Variants in UBR3 observed in about 807,000 individuals in gnomAD.
UBR3 encodes E3 ubiquitin-protein ligase UBR3.
UBR3 carries 85 observed loss-of-function variants against 243.2 expected under a neutral mutation model. That is an observed-to-expected ratio of 0.35 (90% CI 0.29 to 0.42). The LOEUF (loss-of-function observed/expected upper bound fraction) is 0.42, where lower values mean the gene tolerates loss of function less well. Among genes scored for constraint, UBR3 ranks in the 10% least tolerant of loss-of-function variants. UBR3 has a pLI of 1.00. For synonymous variants in UBR3, 748 were observed against 799.8 expected, an observed-to-expected ratio of 0.94 and a Z score of 1.09; for missense variants, 1,686 against 2,300.8, an observed-to-expected ratio of 0.73 and a Z score of 5.47.
intron 28 of UBR3, 128 bp from the exon 29 acceptor site, chr2:170,008,672 AATAG>A (rs1366945052): frequency 9.9e-6 from 5 of 506,294 alleles, no homozygotes; most frequent in African/African-American, 3.9e-5. Flanking sequence ...ATATATTTAT[AATAG>A]ATAATGTTCT....
intron 33 of UBR3, among the ~76,000 whole-genome samples, chr2:170,060,406 T>A (rs1297850278): frequency 2.0e-5 from 3 of 152,122 alleles, no homozygotes; most frequent in African/African-American, 7.2e-5. Flanking sequence ...TATTCTGTAA[T>A]AAATATATTG....
Position 169,851,728 on chromosome 2 carries a change from C to T in UBR3, c.546-20508C>T, listed in dbSNP as rs141389137. Among the ~76,000 whole-genome samples the T allele has an allele frequency of 5.9e-4, 90 of 151,614 alleles. No individual in the cohort carries two copies. The East Asian group carries it at 0.016, about 28-fold the overall frequency. On this transcript the variant is annotated intron_variant, in intron 1 of 38. Coordinates refer to ENST00000272793, the MANE Select transcript of UBR3 (RefSeq NM_172070.4). Reference sequence around the variant, plus strand: ...AAAATACAAAAACTAGTACTAGTGACTCAGGAGGCTGAGGCAGGAGAATCA... The same window carrying T: ...AAAATACAAAAACTAGTACTAGTGATTCAGGAGGCTGAGGCAGGAGAATCA...
intron 29 of UBR3, among the ~76,000 whole-genome samples, chr2:170,011,626 CTTTT>C (rs35877456): frequency 2.4e-5 from 3 of 123,282 alleles, no homozygotes; most frequent in Non-Finnish European, 1.7e-5. Context: ...TACAGCTTTT[CTTTT>C]TTTTTTTTTT....
At chr2:169,969,106 G>A (rs918286106) in intron 24 of UBR3, among the ~76,000 whole-genome samples, 2 of 152,052 alleles carry the variant, frequency 1.3e-5, no homozygotes, top group African/African-American at 4.8e-5. Flanking sequence ...TTGTCCCATG[G>A]ATAGTTTACA....
chr2:169,841,506 T>C (rs2082287175), intron 1 of UBR3, among the ~76,000 whole-genome samples: 1 of 152,180 alleles, frequency 6.6e-6, no homozygotes, highest in South Asian at 2.1e-4. Context: ...TGGAGCCCAC[T>C]TCCTCAGCCT....
At chr2:169,884,353 C>T (rs1031904210) in intron 5 of UBR3, among the ~76,000 whole-genome samples, 6 of 152,072 alleles carry the variant, frequency 3.9e-5, no homozygotes, top group South Asian at 2.1e-4. Context: ...GGGGTTTTTC[C>T]GTGTTAGCCA....
intron 14 of UBR3, 102 bp from the exon 15 acceptor site, chr2:169,926,590 A>G (rs997478059): frequency 1.1e-5 from 13 of 1,140,594 alleles, no homozygotes; most frequent in Admixed American, 8.1e-5. Context: ...CTCAAAAACA[A>G]AAAACAAAAA....
intron 31 of UBR3, among the ~76,000 whole-genome samples, chr2:170,036,421 C>G (rs2090833740): frequency 6.6e-6 from 1 of 151,986 alleles, no homozygotes; most frequent in Non-Finnish European, 1.5e-5. Flanking sequence ...AGGAAAGATC[C>G]ATTTCTCTCT....
chr2:169,836,778 C>T (rs1457746925), intron 1 of UBR3, among the ~76,000 whole-genome samples: 2 of 151,806 alleles, frequency 1.3e-5, no homozygotes, highest in African/African-American at 2.4e-5. Context: ...GTTTTGGGGC[C>T]ATTTGGGCTT....
intron 1 of UBR3, among the ~76,000 whole-genome samples, chr2:169,832,899 C>CTCCA (rs1197823722): frequency 1.3e-5 from 2 of 151,852 alleles, no homozygotes; most frequent in Non-Finnish European, 2.9e-5. Context: ...TGCCATTGCA[C>CTCCA]TCCAGCCTGG....
chr2:169,969,503 AT>A (rs527446488), intron 24 of UBR3, among the ~76,000 whole-genome samples: 47 of 150,436 alleles, frequency 3.1e-4, no homozygotes, highest in Non-Finnish European at 6.2e-4. Context: ...TTGGCTGTAA[AT>A]ATGTGTATTT....
chr2:170,030,485 C>T (rs2090639185), intron 31 of UBR3, among the ~76,000 whole-genome samples: 1 of 152,084 alleles, frequency 6.6e-6, no homozygotes, highest in African/African-American at 2.4e-5. Context: ...TAAGATTGCA[C>T]AGTTTTCATT....
At chr2:169,841,842 T>C (rs1025453144) in intron 1 of UBR3, among the ~76,000 whole-genome samples, 1 of 152,224 alleles carries the variant, frequency 6.6e-6, no homozygotes, top group East Asian at 1.9e-4. Flanking sequence ...CTGTGCGGTC[T>C]GAGCTTCCCC....
chr2:169,874,007 T>C lies in UBR3; in HGVS notation c.685+1632T>C, dbSNP rs55738614. On this transcript the variant is annotated intron_variant, in intron 2 of 38. Coordinates refer to ENST00000272793, the MANE Select transcript of UBR3 (RefSeq NM_172070.4). Reference sequence around the variant, plus strand: ...TAACAGTTATAAAATGTAGACAACGTAAGTACATAGCTTTATAATTATCTG... The same window carrying C: ...TAACAGTTATAAAATGTAGACAACGCAAGTACATAGCTTTATAATTATCTG... Among the ~76,000 whole-genome samples, 1,466 of 152,288 alleles carry C rather than the reference T, an allele frequency of 9.6e-3. 17 individuals carry two copies. The highest frequency in any genetic ancestry group is 0.033 in the African/African-American group (1,387 of 41,568).
intron 32 of UBR3, 94 bp from the exon 33 acceptor site, chr2:170,055,366 A>T: frequency 1.4e-6 from 2 of 1,439,140 alleles, no homozygotes; most frequent in Non-Finnish European, 1.9e-6. Context: ...ACAAAAACCA[A>T]TTACATATGC....
At chr2:170,072,437 G>A (rs938550256) in intron 35 of UBR3, among the ~76,000 whole-genome samples, 5 of 151,376 alleles carry the variant, frequency 3.3e-5, no homozygotes, top group Admixed American at 2.6e-4. Context: ...TAGCGGGAGG[G>A]GGGAGGGATA....
At chr2:169,855,395 G>C (rs377562958) in intron 1 of UBR3, among the ~76,000 whole-genome samples, 1 of 151,642 alleles carries the variant, frequency 6.6e-6, no homozygotes, top group Non-Finnish European at 1.5e-5. Flanking sequence ...GTGTTTCTCG[G>C]AGAGGGGGAT....
intron 38 of UBR3, among the ~76,000 whole-genome samples, chr2:170,080,941 T>C (rs755355041): frequency 1.3e-5 from 2 of 152,046 alleles, no homozygotes; most frequent in Non-Finnish European, 2.9e-5. Flanking sequence ...ACCTGTAATC[T>C]CAGCACTTTG....
chr2:169,857,636 A>G (rs559233623), intron 1 of UBR3, among the ~76,000 whole-genome samples: 1 of 151,234 alleles, frequency 6.6e-6, no homozygotes, highest in South Asian at 2.1e-4. Flanking sequence ...CATGTTGGCT[A>G]GGCTGATCTC....
Sources: allele counts gnomAD v4.1 joint callset (sites outside exome capture counted in the v4.1 genomes callset), GRCh38; gene constraint gnomAD v4.1.1; transcripts MANE v1.5; gene names NCBI Gene and HGNC (gene_info 2026-07-23, HGNC 2026-07-21).